The following DLGAP1 variants were observed in gnomAD, a reference collection of about 807,000 sequenced individuals.
The protein encoded by DLGAP1 is disks large-associated protein 1.
A neutral mutation model predicts 90.8 loss-of-function variants in DLGAP1; 11 were observed. The ratio of observed to expected loss-of-function variants is 0.12; its 90% CI spans 0.08 to 0.20. The LOEUF is 0.20. Ranked by LOEUF, DLGAP1 falls within the 10% of genes least tolerant of loss-of-function variation. The pLI, the probability that DLGAP1 is intolerant of heterozygous loss-of-function variation, is 1.00. For synonymous variants in DLGAP1, 558 were observed against 540.7 expected (o/e 1.03, Z -0.44); for missense variants, 1,050 against 1,333.8 (o/e 0.79, Z 3.31).
At chr18:4,149,456 C>A (rs577365344) in intron 2 of DLGAP1, among the ~76,000 whole-genome samples, 5 of 152,140 alleles carry the variant, frequency 3.3e-5, no homozygotes, top group African/African-American at 4.8e-5. Flanking sequence ...GCAACAGATG[C>A]GGCTGGCTCC....
chr18:4,427,588 A>T (rs1033117929), intron 1 of DLGAP1, among the ~76,000 whole-genome samples: 1 of 152,164 alleles, frequency 6.6e-6, no homozygotes, highest in Non-Finnish European at 1.5e-5. Flanking sequence ...CTGCCATCAA[A>T]GATAGTAGAA....
intron 7 of DLGAP1, among the ~76,000 whole-genome samples, chr18:3,679,349 C>T (rs1178370143): frequency 6.6e-6 from 1 of 152,050 alleles, no homozygotes; most frequent in Non-Finnish European, 1.5e-5. Flanking sequence ...ACTTGTGTGA[C>T]ATGACACTAC....
chr18:3,995,429 A>G (rs953457880), intron 3 of DLGAP1: 1 of 152,204 alleles, frequency 6.6e-6, no homozygotes, highest in Non-Finnish European at 1.5e-5. Context: ...ACTCTTTTGT[A>G]TCTTCTTCGG....
chr18:4,442,136 C>T lies in DLGAP1; in HGVS notation c.-267+12870G>A, dbSNP rs989045125. Reference sequence around the variant, plus strand: ...TCTCCCAAGTAGCTGGGATTACAGGCGCACGCCACCATGCCGGGATATTTT... The same window carrying T: ...TCTCCCAAGTAGCTGGGATTACAGGTGCACGCCACCATGCCGGGATATTTT... On this transcript the variant is annotated intron_variant, in intron 1 of 12. Transcript: ENST00000315677. 3.9e-5 allele frequency among the ~76,000 whole-genome samples: 6 copies of T among 151,996 alleles called. 1 individual carries two copies. Among genetic ancestry groups the T allele is most frequent in the Admixed American group, 3.3e-4 (5 of 15,256 alleles).
chr18:4,051,296 CT>C (rs2075130330), intron 2 of DLGAP1, among the ~76,000 whole-genome samples: 1 of 152,162 alleles, frequency 6.6e-6, no homozygotes, highest in Non-Finnish European at 1.5e-5. Context: ...ATACTCAAGA[CT>C]GGGTAATTTA....
intron 3 of DLGAP1, among the ~76,000 whole-genome samples, chr18:3,919,110 A>G (rs777875174): frequency 2.0e-5 from 3 of 152,230 alleles, no homozygotes; most frequent in Non-Finnish European, 4.4e-5. Context: ...ATCAACAAGA[A>G]AGATTGGTCA....
chr18:3,735,472 C>T (rs1041680511), intron 6 of DLGAP1, among the ~76,000 whole-genome samples: 1 of 152,164 alleles, frequency 6.6e-6, no homozygotes. Context: ...ATCCATCCAA[C>T]TGAGGCTCCC....
chr18:3,671,652 T>C (rs1116345), intron 7 of DLGAP1, among the ~76,000 whole-genome samples: 99,396 of 152,162 alleles, frequency 0.65, 34,432 homozygotes, highest in African/African-American at 0.89. Context: ...TGCATTTGTA[T>C]TCCTTAAGTA....
chr18:3,735,542 C>T (rs986194750), intron 6 of DLGAP1, among the ~76,000 whole-genome samples: 1 of 152,066 alleles, frequency 6.6e-6, no homozygotes, highest in African/African-American at 2.4e-5. Context: ...TATTATATGT[C>T]TAGGTATATG....
intron 2 of DLGAP1, among the ~76,000 whole-genome samples, chr18:4,127,245 G>A (rs566326885): frequency 3.9e-5 from 6 of 152,224 alleles, no homozygotes; most frequent in African/African-American, 1.4e-4. Flanking sequence ...GTAGGGTGTG[G>A]TACCGGCTGG....
At chr18:4,390,152 A>G (rs2082312191) in intron 1 of DLGAP1, among the ~76,000 whole-genome samples, 1 of 116,876 alleles carries the variant, frequency 8.6e-6, no homozygotes, top group African/African-American at 2.9e-5. Context: ...ATGTTGGCCC[A>G]TAACAAATTG....
chr18:4,024,386 C>T (rs1291470942), intron 2 of DLGAP1, among the ~76,000 whole-genome samples: 4 of 152,318 alleles, frequency 2.6e-5, no homozygotes, highest in African/African-American at 7.2e-5. Context: ...GGGAGCACCA[C>T]AGCTGGGAAG....
At chr18:4,162,448 G>A in intron 1 of DLGAP1, among the ~76,000 whole-genome samples, 1 of 152,080 alleles carries the variant, frequency 6.6e-6, no homozygotes, top group African/African-American at 2.4e-5. Context: ...AGAAAATTTT[G>A]TCACATTAAA....
At chr18:3,901,671 CACTTT>C (rs1272713770) in intron 3 of DLGAP1, among the ~76,000 whole-genome samples, 2 of 152,254 alleles carry the variant, frequency 1.3e-5, no homozygotes, top group African/African-American at 4.8e-5. Flanking sequence ...GGGGTATTTT[CACTTT>C]ACTTTAACAT....
At chr18:3,556,044 G>C (rs2053732438) in intron 9 of DLGAP1, among the ~76,000 whole-genome samples, 1 of 152,116 alleles carries the variant, frequency 6.6e-6, no homozygotes, top group Admixed American at 6.5e-5. Flanking sequence ...TGCTCTAAAA[G>C]TTTTACATGT....
At chr18:3,549,357 G>T (rs1724803112) in intron 9 of DLGAP1, among the ~76,000 whole-genome samples, 4 of 149,138 alleles carry the variant, frequency 2.7e-5, no homozygotes, top group South Asian at 4.2e-4. Flanking sequence ...TTTTGAAAAG[G>T]AGTCTCACTC....
chr18:4,349,440 C>G (rs1311743923), intron 1 of DLGAP1, among the ~76,000 whole-genome samples: 1 of 151,864 alleles, frequency 6.6e-6, no homozygotes, highest in Non-Finnish European at 1.5e-5. Context: ...AGAAAAATGA[C>G]ATTTGTGGCA....
intron 7 of DLGAP1, among the ~76,000 whole-genome samples, chr18:3,602,528 G>A (rs2057109110): frequency 1.3e-5 from 2 of 148,516 alleles, no homozygotes; most frequent in Non-Finnish European, 3.0e-5. Context: ...CCGGGAGGCG[G>A]AGCTTGCAGG....
chr18:3,510,632 G>A (rs1285929480), intron 10 of DLGAP1, among the ~76,000 whole-genome samples: 1 of 152,158 alleles, frequency 6.6e-6, no homozygotes, highest in East Asian at 1.9e-4. Context: ...GTAGGACTGT[G>A]AGATCGGCAA....
Sources: gnomAD v4.1 joint callset for allele counts (sites outside exome capture counted in the v4.1 genomes callset) on GRCh38, gnomAD v4.1.1 for gene constraint, MANE v1.5 for transcripts, NCBI Gene and HGNC (gene_info 2026-07-23, HGNC 2026-07-21) for gene names.